Variants in SLMAP observed in about 807,000 individuals in gnomAD.
The protein encoded by SLMAP is sarcolemmal membrane-associated protein.
A neutral mutation model predicts 128.8 loss-of-function variants in SLMAP; 44 were observed. That is an observed-to-expected ratio of 0.34 (90% CI 0.27 to 0.44). SLMAP has a LOEUF of 0.44. SLMAP is among the 20% of genes least tolerant of loss of function. The pLI, the probability that SLMAP is intolerant of heterozygous loss-of-function variation, is 1.00. For missense variants in SLMAP, 787 were observed against 985.3 expected (o/e 0.80, Z 2.69); for synonymous variants, 327 against 348.8 (o/e 0.94, Z 0.70).
chr3:57,919,836 C>G (rs1258100035), intron 22 of SLMAP, among the ~76,000 whole-genome samples: 1 of 151,958 alleles, frequency 6.6e-6, no homozygotes, highest in African/African-American at 2.4e-5. Context: ...AGCACACAGT[C>G]CACCCTGCAA....
At chr3:57,774,170 T>C (rs933865815) in intron 2 of SLMAP, among the ~76,000 whole-genome samples, 1 of 152,230 alleles carries the variant, frequency 6.6e-6, no homozygotes. Context: ...AACTGAGGTT[T>C]ATTTATAATT....
intron 2 of SLMAP, among the ~76,000 whole-genome samples, chr3:57,798,324 G>C (rs1221523751): frequency 6.6e-6 from 1 of 152,122 alleles, no homozygotes; most frequent in Non-Finnish European, 1.5e-5. Context: ...TTCTTATATA[G>C]GCGGCTGCTT....
intron 2 of SLMAP, among the ~76,000 whole-genome samples, chr3:57,792,119 A>T (rs1241280987): frequency 3.3e-5 from 5 of 152,122 alleles, no homozygotes; most frequent in Non-Finnish European, 7.4e-5. Flanking sequence ...GAAGAACAAA[A>T]TTTTGTAATA....
intron 8 of SLMAP, among the ~76,000 whole-genome samples, chr3:57,859,693 A>G (rs916852254): frequency 6.6e-6 from 1 of 152,182 alleles, no homozygotes; most frequent in African/African-American, 2.4e-5. Context: ...TATAATGGAC[A>G]TTGGAGACTC....
At chr3:57,783,938 G>T (rs2083554679) in intron 2 of SLMAP, among the ~76,000 whole-genome samples, 1 of 152,086 alleles carries the variant, frequency 6.6e-6, no homozygotes, top group Non-Finnish European at 1.5e-5. Flanking sequence ...GGCTCAAGTG[G>T]GCCCAGGTGT....
chr3:57,844,902 A>G lies in SLMAP; in HGVS notation c.420-2295A>G, dbSNP rs139872298. ...GCTGGTTTTTGTATTTTTAGTAGAA[A>G]CAGGTTTCACCATGTTGGCCAGGCT... On this transcript the variant is annotated intron_variant, in intron 4 of 24. Coordinates refer to ENST00000671191, the MANE Select transcript of SLMAP (RefSeq NM_001377540.1). Among the ~76,000 whole-genome samples, 954 of 151,908 alleles carry G rather than the reference A, an allele frequency of 6.3e-3. 10 individuals carry two copies. Among genetic ancestry groups the G allele is most frequent in the Non-Finnish European group, 5.1e-3 (345 of 67,948 alleles).
At chr3:57,782,041 G>C (rs1375052481) in intron 2 of SLMAP, among the ~76,000 whole-genome samples, 1 of 152,048 alleles carries the variant, frequency 6.6e-6, no homozygotes, top group African/African-American at 2.4e-5. Flanking sequence ...AAGAAAGCAT[G>C]TTTAGCATAT....
chr3:57,898,310 A>G (rs1475901258), intron 17 of SLMAP: 7 of 152,218 alleles, frequency 4.6e-5, no homozygotes, highest in Non-Finnish European at 1.0e-4. Context: ...CTGATACTGA[A>G]AGAATGTCAG....
At chr3:57,821,745 TC>T (rs1401139905) in intron 2 of SLMAP, among the ~76,000 whole-genome samples, 1 of 152,162 alleles carries the variant, frequency 6.6e-6, no homozygotes, top group Non-Finnish European at 1.5e-5. Context: ...CAATATTTCA[TC>T]AACTCTGTCA....
chr3:57,874,249 G>T (rs914159221), intron 14 of SLMAP, among the ~76,000 whole-genome samples: 1 of 152,102 alleles, frequency 6.6e-6, no homozygotes, highest in Non-Finnish European at 1.5e-5. Flanking sequence ...CTATAGTTGT[G>T]CCACTGCACT....
rs946448269 is a variant in SLMAP at position 57,757,627 on chromosome 3, G to C, written c.-25G>C. 9.9e-6 allele frequency: 16 copies of C among 1,611,808 alleles called. No individual in the cohort carries two copies. Among genetic ancestry groups the C allele is most frequent in the African/African-American group, 1.3e-5 (1 of 74,846 alleles). ...AGGAACTCCTCTTTGTCCCTGGTAGGAGAGACACCCCCAGTCTATCCTCGA... is the reference window on the plus strand; with the variant it reads ...AGGAACTCCTCTTTGTCCCTGGTAGCAGAGACACCCCCAGTCTATCCTCGA... On this transcript the variant is annotated 5_prime_UTR_variant, in exon 2 of 25. Coordinates refer to ENST00000671191, the MANE Select transcript of SLMAP (RefSeq NM_001377540.1).
intron 2 of SLMAP, among the ~76,000 whole-genome samples, chr3:57,779,579 C>T (rs2082608664): frequency 6.6e-6 from 1 of 150,920 alleles, no homozygotes; most frequent in Non-Finnish European, 1.5e-5. Context: ...ATCTGTTTTG[C>T]TATAAATATA....
Position 57,890,034 on chromosome 3 carries a change from T to G in SLMAP, c.1301-7T>G, listed in dbSNP as rs749495729. The G allele has an allele frequency of 5.6e-6, 9 of 1,608,352 alleles. No homozygotes were observed. Among genetic ancestry groups the G allele is most frequent in the Non-Finnish European group, 7.7e-6 (9 of 1,174,852 alleles). On this transcript the variant is annotated splice_polypyrimidine_tract_variant and splice_region_variant and intron_variant, in intron 14 of 24. Coordinates refer to ENST00000671191, the MANE Select transcript of SLMAP (RefSeq NM_001377540.1). Reference sequence around the variant, plus strand: ...GCTTGGATGGTAACGTTTATTTTCCTTGGCAGAGAAGCTGATCGTCGAAGG... The same window carrying G: ...GCTTGGATGGTAACGTTTATTTTCCGTGGCAGAGAAGCTGATCGTCGAAGG...
intron 15 of SLMAP, among the ~76,000 whole-genome samples, chr3:57,892,952 G>A (rs912715991): frequency 2.0e-5 from 3 of 149,846 alleles, no homozygotes; most frequent in Admixed American, 6.7e-5. Context: ...TCCTGCCTTA[G>A]CCTCCCAAGT....
intron 3 of SLMAP, among the ~76,000 whole-genome samples, chr3:57,834,688 A>G (rs1007678254): frequency 1.3e-5 from 2 of 152,160 alleles, no homozygotes; most frequent in Admixed American, 1.3e-4. Context: ...AGTAATTCCA[A>G]ACATAAAGAT....
At chr3:57,858,213 T>C (rs1264342092) in intron 8 of SLMAP, 54 bp downstream of exon 8, 1 of 980,516 alleles carries the variant, frequency 1.0e-6, no homozygotes, top group Non-Finnish European at 1.6e-6. Context: ...TTATGTAACA[T>C]CATTTCTTTG....
intron 6 of SLMAP, among the ~76,000 whole-genome samples, chr3:57,852,258 A>G (rs557999864): frequency 6.6e-6 from 1 of 152,342 alleles, no homozygotes; most frequent in East Asian, 1.9e-4. Context: ...GTTTCATCTT[A>G]GTTAAGAATG....
At chr3:57,896,100 A>G in intron 15 of SLMAP, 2 of 282,190 alleles carry the variant, frequency 7.1e-6, no homozygotes, top group African/African-American at 4.6e-5. Flanking sequence ...AATCTTACTA[A>G]AGCAGCCTTC....
At chr3:57,868,988 ATATATGTGTATTATATATAATATATAT>A (rs1206039557) in intron 13 of SLMAP, among the ~76,000 whole-genome samples, 3 of 138,322 alleles carry the variant, frequency 2.2e-5, no homozygotes, top group East Asian at 2.0e-4. Context: ...AATATATATT[ATATATGTGTATTATATATAATATATAT>A]TATATGTGTA....
Sources: gnomAD v4.1 joint callset for allele counts (sites outside exome capture counted in the v4.1 genomes callset) on GRCh38, gnomAD v4.1.1 for gene constraint, MANE v1.5 for transcripts, NCBI Gene and HGNC (gene_info 2026-07-23, HGNC 2026-07-21) for gene names.